Variants in BASP1 observed in about 807,000 individuals in gnomAD.
BASP1 encodes the protein brain abundant membrane attached signal protein 1.
Under a neutral mutation model 2.2 loss-of-function variants are expected in BASP1, and 1 was observed. The observed-to-expected ratio is 0.46, with a 90% confidence interval of 0.16 to 2.17. The LOEUF (loss-of-function observed/expected upper bound fraction) is 2.17. BASP1 is among the 30% of genes most tolerant of loss of function. The pLI, the probability that BASP1 is intolerant of heterozygous loss-of-function variation, is 0.27. For synonymous variants in BASP1, 187 were observed against 154.2 expected, an observed-to-expected ratio of 1.21 and a Z score of -1.58; for missense variants, 352 against 327.2, an observed-to-expected ratio of 1.08 and a Z score of -0.58.
chr5:17,254,882 T>C lies in BASP1; in HGVS notation c.-9-20326T>C, dbSNP rs186791661. Among the ~76,000 whole-genome samples the C allele has an allele frequency of 5.4e-3, 822 of 152,314 alleles. 10 individuals are homozygous for C. Among genetic ancestry groups the C allele is most frequent in the African/African-American group, 0.019 (793 of 41,578 alleles). ...TATCCTTATTGCAAGAGATCCCACATTGGACAGACGATTTCAGTTGACACC... is the reference window on the plus strand; with the variant it reads ...TATCCTTATTGCAAGAGATCCCACACTGGACAGACGATTTCAGTTGACACC... On this transcript the variant is annotated intron_variant, in intron 1 of 1. Transcript: ENST00000322611.
Position 17,229,024 on chromosome 5 carries a change from A to G in BASP1, c.-10+11214A>G, listed in dbSNP as rs141905265. Among the ~76,000 whole-genome samples, 12 of 152,288 alleles carry G rather than the reference A, an allele frequency of 7.9e-5. No individual in the cohort carries two copies. The East Asian group carries it at 2.3e-3, about 29-fold the overall frequency. On this transcript the variant is annotated intron_variant, in intron 1 of 1. Transcript: ENST00000322611. ...AGAGATGTATACCTATTAAAAAAAAAACAAAACTCTTAGGATATCACACAG... is the reference window on the plus strand; with the variant it reads ...AGAGATGTATACCTATTAAAAAAAAGACAAAACTCTTAGGATATCACACAG...
At chr5:17,263,333 C>CT (rs1740356304) in intron 1 of BASP1, among the ~76,000 whole-genome samples, 1 of 151,832 alleles carries the variant, frequency 6.6e-6, no homozygotes. Context: ...CAGGGTCTCA[C>CT]TATTTTGCCC....
chr5:17,226,648 TG>T (rs1341885655), intron 1 of BASP1, among the ~76,000 whole-genome samples: 1 of 152,244 alleles, frequency 6.6e-6, no homozygotes, highest in Non-Finnish European at 1.5e-5. Context: ...TAGGAATATT[TG>T]CTGTCTTTAA....
chr5:17,272,003 T>G (rs1479491064), intron 1 of BASP1, among the ~76,000 whole-genome samples: 1 of 150,060 alleles, frequency 6.7e-6, no homozygotes, highest in Non-Finnish European at 1.5e-5. Context: ...GAGGCGGAGG[T>G]TGCAGTGAGC....
intron 1 of BASP1, among the ~76,000 whole-genome samples, chr5:17,268,351 A>C (rs1740460704): frequency 6.6e-6 from 1 of 152,198 alleles, no homozygotes; most frequent in African/African-American, 2.4e-5. Flanking sequence ...AAACTGAAAG[A>C]CTGAATTTTA....
chr5:17,221,084 G>T (rs1739384918), intron 1 of BASP1, among the ~76,000 whole-genome samples: 1 of 152,194 alleles, frequency 6.6e-6, no homozygotes, highest in Non-Finnish European at 1.5e-5. Context: ...AAACTGGTTG[G>T]TATAGAATAT....
chr5:17,268,279 TTC>T (rs1213948571), intron 1 of BASP1, among the ~76,000 whole-genome samples: 1 of 152,192 alleles, frequency 6.6e-6, no homozygotes, highest in Non-Finnish European at 1.5e-5. Context: ...AATAAAATAT[TTC>T]ATAATTTATT....
At chr5:17,254,623 A>G (rs1490813776) in intron 1 of BASP1, among the ~76,000 whole-genome samples, 1 of 152,226 alleles carries the variant, frequency 6.6e-6, no homozygotes. Context: ...ATGGTGCTCA[A>G]TACAGTTTTT....
At position 17,266,336 on chromosome 5, in the gene BASP1, G is replaced by A. The variant is rs114240034; in HGVS notation, c.-9-8872G>A. Among the ~76,000 whole-genome samples, 472 of 152,196 alleles carry A rather than the reference G, an allele frequency of 3.1e-3. 1 individual carries two copies. The highest frequency in any genetic ancestry group is 0.011 in the African/African-American group (449 of 41,518). ...AAAAGAGAATTTATTCAAAATGAGA[G>A]GCATTTTTTCTGTTCCTTCGCCACC... On this transcript the variant is annotated intron_variant, in intron 1 of 1. Transcript: ENST00000322611.
intron 1 of BASP1, among the ~76,000 whole-genome samples, chr5:17,263,125 G>C (rs945276614): frequency 6.6e-6 from 1 of 152,168 alleles, no homozygotes; most frequent in African/African-American, 2.4e-5. Context: ...GGGATTACAG[G>C]CGTGAGCCAC....
At chr5:17,231,614 C>T (rs531423417) in intron 1 of BASP1, among the ~76,000 whole-genome samples, 20 of 152,312 alleles carry the variant, frequency 1.3e-4, no homozygotes, top group African/African-American at 4.1e-4. Flanking sequence ...GCTTTTTCTG[C>T]CTGGAATATT....
intron 1 of BASP1, among the ~76,000 whole-genome samples, chr5:17,230,366 C>T (rs1409918794): frequency 6.6e-6 from 1 of 151,836 alleles, no homozygotes; most frequent in Non-Finnish European, 1.5e-5. Flanking sequence ...CAGTGGGACA[C>T]CGAGGAAAGG....
At chr5:17,227,227 C>G (rs1739528328) in intron 1 of BASP1, among the ~76,000 whole-genome samples, 1 of 139,334 alleles carries the variant, frequency 7.2e-6, no homozygotes, top group Non-Finnish European at 1.5e-5. Flanking sequence ...CCGCACCCGT[C>G]CTTTTTTCTT....
intron 1 of BASP1, among the ~76,000 whole-genome samples, chr5:17,234,266 C>T (rs1215699626): frequency 6.6e-6 from 1 of 152,122 alleles, no homozygotes; most frequent in Non-Finnish European, 1.5e-5. Context: ...CAGTCTTCTG[C>T]TATTGTAGGC....
At chr5:17,274,096 A>G (rs1195385002) in intron 1 of BASP1, among the ~76,000 whole-genome samples, 1 of 152,226 alleles carries the variant, frequency 6.6e-6, no homozygotes, top group African/African-American at 2.4e-5. Context: ...AGAGAATTTC[A>G]AGATTCAAAT....
intron 1 of BASP1, among the ~76,000 whole-genome samples, chr5:17,274,990 C>T (rs1208470158): frequency 3.9e-5 from 6 of 152,058 alleles, no homozygotes; most frequent in South Asian, 2.1e-4. Context: ...GATCTCACCA[C>T]GGCATTCCAG....
intron 1 of BASP1, among the ~76,000 whole-genome samples, chr5:17,256,150 C>A (rs1273773817): frequency 5.3e-5 from 8 of 152,180 alleles, no homozygotes; most frequent in Non-Finnish European, 1.2e-4. Context: ...AGAGCACAAA[C>A]AATTTGAAGG....
intron 1 of BASP1, among the ~76,000 whole-genome samples, chr5:17,237,958 C>T (rs149865730): frequency 5.3e-5 from 8 of 152,124 alleles, no homozygotes; most frequent in African/African-American, 1.9e-4. Flanking sequence ...TCTCAGTGTT[C>T]GCCAAGCATG....
chr5:17,275,382 G>A lies in BASP1; in HGVS notation c.166G>A (p.Glu56Lys), dbSNP rs200175174. 952 of 1,594,864 alleles carry A rather than the reference G, an allele frequency of 6.0e-4. 4 individuals carry two copies. The highest frequency in any genetic ancestry group is 4.9e-4 in the Non-Finnish European group (573 of 1,171,182). Residue 56 changes from glutamate to lysine, a missense_variant, in exon 2 of 2, where the codon GAG (glutamate) becomes AAG (lysine). Glu to Lys is a moderately conservative substitution (Grantham distance 56). Coordinates refer to ENST00000322611, the MANE Select transcript of BASP1 (RefSeq NM_006317.5). This position sits in a 1 kb window ranked among gnomAD's most constrained non-coding sequence, Gnocchi z 5.3. ...GCCCGCCGAGGCCAAGGAGGGCAAG[G>A]AGAAGCCCGACCAGGACGCCGAGGG... ...AEPAEAKEGK[E>K]KPDQDAEGKA...
Sources: gnomAD v4.1 joint callset for allele counts (sites outside exome capture counted in the v4.1 genomes callset) on GRCh38, gnomAD v4.1.1 for gene constraint, Gnocchi (gnomAD v3.1) non-coding constraint, MANE v1.5 for transcripts, NCBI Gene and HGNC (gene_info 2026-07-23, HGNC 2026-07-21) for gene names.